The following NDST3 variants were observed in gnomAD, a reference collection of about 807,000 sequenced individuals.
NDST3 encodes bifunctional heparan sulfate N-deacetylase/N-sulfotransferase 3.
NDST3 carries 58 observed loss-of-function variants against 96.1 expected under a neutral mutation model. The ratio of observed to expected loss-of-function variants is 0.60; its 90% CI spans 0.49 to 0.75. The LOEUF (loss-of-function observed/expected upper bound fraction) is 0.75. Among genes scored for constraint, NDST3 ranks in the 30% least tolerant of loss-of-function variants. NDST3 has a pLI of 0.00. For missense variants in NDST3, 788 were observed against 1,034.2 expected (o/e 0.76, Z 3.27); for synonymous variants, 333 against 359.7 (o/e 0.93, Z 0.84).
chr4:118,182,398 G>T (rs1736666657), intron 6 of NDST3, among the ~76,000 whole-genome samples: 2 of 152,152 alleles, frequency 1.3e-5, no homozygotes, highest in South Asian at 2.1e-4. Flanking sequence ...GACTAAGACA[G>T]CAAAGACTTC....
At chr4:118,140,003 C>T (rs1293121458) in intron 5 of NDST3, among the ~76,000 whole-genome samples, 2 of 152,148 alleles carry the variant, frequency 1.3e-5, no homozygotes, top group Non-Finnish European at 2.9e-5. Flanking sequence ...TGCCTTTATC[C>T]TGGCCTTCCT....
chr4:118,200,321 T>C (rs1424856079), intron 6 of NDST3, among the ~76,000 whole-genome samples: 1 of 152,272 alleles, frequency 6.6e-6, no homozygotes, highest in East Asian at 1.9e-4. Context: ...CCTCACCTCA[T>C]GGCCACGGCC....
chr4:118,159,444 G>A (rs1020435394), intron 6 of NDST3, among the ~76,000 whole-genome samples: 58 of 152,266 alleles, frequency 3.8e-4, no homozygotes, highest in Non-Finnish European at 7.5e-4. Context: ...GATTGGTGAA[G>A]GTTTGTTCCT....
intron 2 of NDST3, among the ~76,000 whole-genome samples, chr4:118,073,685 A>T (rs1175861711): frequency 6.6e-6 from 1 of 151,550 alleles, no homozygotes; most frequent in Non-Finnish European, 1.5e-5. Context: ...GGTTTTGTTG[A>T]TCTCTTACAT....
At chr4:118,249,702 A>AT (rs1741536870) in intron 12 of NDST3, among the ~76,000 whole-genome samples, 1 of 151,086 alleles carries the variant, frequency 6.6e-6, no homozygotes. Context: ...ATTCTACAAG[A>AT]TTAACTACAT....
chr4:118,087,048 T>G (rs1197299656), intron 2 of NDST3, among the ~76,000 whole-genome samples: 3 of 151,274 alleles, frequency 2.0e-5, no homozygotes, highest in African/African-American at 4.9e-5. Context: ...ATATTTTTAG[T>G]TTTTTTTTGT....
intron 2 of NDST3, among the ~76,000 whole-genome samples, chr4:118,079,864 T>A (rs1578596238): frequency 6.6e-6 from 1 of 152,032 alleles, no homozygotes; most frequent in East Asian, 1.9e-4. Context: ...ATATTGAAAA[T>A]GTAGCTAAAG....
intron 6 of NDST3, among the ~76,000 whole-genome samples, chr4:118,212,341 C>T (rs184677950): frequency 1.3e-5 from 2 of 152,182 alleles, no homozygotes; most frequent in Admixed American, 1.3e-4. Context: ...AAGTTTGAGA[C>T]CAGCCTGAGC....
At position 118,137,455 on chromosome 4, in the gene NDST3, G is replaced by T. The variant is rs547414585; in HGVS notation, c.1225-599G>T. Reference sequence around the variant, plus strand: ...CAGTACCTTCAACTTTCACTATAAGGGCTTCTACTTCAAAAAAAATTACTC... The same window carrying T: ...CAGTACCTTCAACTTTCACTATAAGTGCTTCTACTTCAAAAAAAATTACTC... On this transcript the variant is annotated intron_variant, in intron 4 of 13. Transcript: ENST00000296499. Among the ~76,000 whole-genome samples, 7 of 151,240 alleles carry T rather than the reference G, an allele frequency of 4.6e-5. No individual in the cohort carries two copies. In the East Asian group the frequency reaches 1.4e-3, roughly 29 times the overall value.
In NDST3 at chr4:118,224,259, G is replaced by T. The variant is rs971089603; in HGVS notation, c.1540-232G>T. Among the ~76,000 whole-genome samples, 13 of 152,126 alleles carry T rather than the reference G, an allele frequency of 8.5e-5. No homozygotes were observed. In the East Asian group the frequency reaches 2.3e-3, roughly 27 times the overall value. On this transcript the variant is annotated intron_variant, in intron 6 of 13. Transcript: ENST00000296499. ...GATGTTGAATGTATTTTTTTGTTAT[G>T]AAATATAAGAAAATTTCAGGGAAAA...
chr4:118,088,321 T>C (rs1728595731), intron 2 of NDST3, among the ~76,000 whole-genome samples: 1 of 152,098 alleles, frequency 6.6e-6, no homozygotes, highest in African/African-American at 2.4e-5. Context: ...TTTCTGTGAC[T>C]AAAACTTTGG....
intron 12 of NDST3, among the ~76,000 whole-genome samples, chr4:118,252,108 G>A (rs141689405): frequency 9.5e-4 from 145 of 152,212 alleles, no homozygotes; most frequent in Middle Eastern, 3.4e-3. Context: ...AAAGAAAAAC[G>A]TTATCTGAAA....
chr4:118,232,680 A>G (rs1740383447), intron 8 of NDST3, among the ~76,000 whole-genome samples: 1 of 144,536 alleles, frequency 6.9e-6, no homozygotes, highest in Non-Finnish European at 1.6e-5. Flanking sequence ...AAAGAAAAGA[A>G]AAGGAAAGAA....
chr4:118,167,832 T>G (rs544636016), intron 6 of NDST3, among the ~76,000 whole-genome samples: 6 of 152,026 alleles, frequency 3.9e-5, no homozygotes, highest in African/African-American at 1.4e-4. Flanking sequence ...CTTCCACAAA[T>G]GGGGTTGAGA....
chr4:118,186,730 C>A (rs2125959282), intron 6 of NDST3, among the ~76,000 whole-genome samples: 1 of 152,318 alleles, frequency 6.6e-6, no homozygotes, highest in Non-Finnish European at 1.5e-5. Context: ...GTCAAGTTGA[C>A]ACTCAGTATT....
intron 2 of NDST3, among the ~76,000 whole-genome samples, chr4:118,097,537 T>C (rs144919132): frequency 6.6e-6 from 1 of 152,116 alleles, no homozygotes; most frequent in Non-Finnish European, 1.5e-5. Context: ...CCAGGGTATG[T>C]TGCCTTTGCT....
intron 6 of NDST3, among the ~76,000 whole-genome samples, chr4:118,178,844 T>C (rs1271720517): frequency 6.6e-6 from 1 of 152,074 alleles, no homozygotes; most frequent in Non-Finnish European, 1.5e-5. Flanking sequence ...TGCCAACACA[T>C]TATTTCCTGT....
intron 12 of NDST3, among the ~76,000 whole-genome samples, chr4:118,249,763 T>A (rs1267369878): frequency 1.8e-5 from 2 of 109,568 alleles, no homozygotes; most frequent in South Asian, 3.0e-4. Flanking sequence ...CACACACACA[T>A]TAGATCACAC....
intron 2 of NDST3, among the ~76,000 whole-genome samples, chr4:118,069,867 TTTG>T (rs151029572): frequency 0.75 from 113,935 of 151,532 alleles, 45,485 homozygotes; most frequent in South Asian, 0.92. Context: ...AGCATGTTCC[TTTG>T]TTGTTATTTA....
Sources: gnomAD v4.1 joint callset for allele counts (sites outside exome capture counted in the v4.1 genomes callset) on GRCh38, gnomAD v4.1.1 for gene constraint, MANE v1.5 for transcripts, NCBI Gene and HGNC (gene_info 2026-07-23, HGNC 2026-07-21) for gene names.